Variants in IKZF1 observed in about 807,000 individuals in gnomAD.
IKZF1 encodes the protein IKAROS family zinc finger 1.
In IKZF1, 10 loss-of-function variants were observed where a neutral mutation model predicts 51.7. The ratio of observed to expected loss-of-function variants is 0.19; its 90% CI spans 0.12 to 0.33. The LOEUF (loss-of-function observed/expected upper bound fraction) is 0.33. Among genes scored for constraint, IKZF1 ranks in the 10% least tolerant of loss-of-function variants. The pLI, the probability that IKZF1 is intolerant of heterozygous loss-of-function variation, is 1.00. For synonymous variants in IKZF1, 280 were observed against 282.3 expected (o/e 0.99, Z 0.08); for missense variants, 484 against 707.5 (o/e 0.68, Z 3.58).
chr7:50,318,173 C>T (rs765423375), intron 1 of IKZF1, among the ~76,000 whole-genome samples: 10 of 152,078 alleles, frequency 6.6e-5, no homozygotes, highest in Non-Finnish European at 1.3e-4. Flanking sequence ...AAACACAGAA[C>T]ACCTTTTTGT....
intron 1 of IKZF1, among the ~76,000 whole-genome samples, chr7:50,314,044 G>A (rs1277002953): frequency 6.6e-6 from 1 of 152,214 alleles, no homozygotes; most frequent in Non-Finnish European, 1.5e-5. Flanking sequence ...GAGAAGGAAG[G>A]CATTTGCTTA....
At chr7:50,309,438 T>C (rs920040686) in intron 1 of IKZF1, among the ~76,000 whole-genome samples, 1 of 152,190 alleles carries the variant, frequency 6.6e-6, no homozygotes, top group Admixed American at 6.5e-5. Context: ...TCCATTTGCC[T>C]TGCCTTTCCT....
chr7:50,348,270 T>C (rs1304430382), intron 3 of IKZF1, among the ~76,000 whole-genome samples: 1 of 152,212 alleles, frequency 6.6e-6, no homozygotes. Flanking sequence ...AATTGTTGCC[T>C]CCGGACATGA....
chr7:50,341,741 G>A lies in IKZF1; in HGVS notation c.160+13984G>A, dbSNP rs890193797. ...TGAATATATTTTCTTAATTCAGTAT[G>A]CTTAAATATTATTTAAGTATGTACT... On this transcript the variant is annotated intron_variant, in intron 3 of 7. Transcript: ENST00000331340. Among the ~76,000 whole-genome samples, 5 of 152,212 alleles carry A rather than the reference G, an allele frequency of 3.3e-5. No homozygotes were observed. In the South Asian group the frequency reaches 1.0e-3, roughly 32 times the overall value.
chr7:50,376,860 C>T lies in IKZF1; in HGVS notation c.421+67C>T. The T allele has an allele frequency of 6.3e-7, 1 of 1,579,512 alleles. No individual in the cohort carries two copies. Among genetic ancestry groups the T allele is most frequent in the Non-Finnish European group, 8.6e-7 (1 of 1,162,050 alleles). ...GTGCATGGGGTTTGAAGGAGGAAAG[C>T]ATCCTGTCTTCCTTGTGTTCTGAGC... On this transcript the variant is annotated intron_variant, in intron 4 of 7. Transcript: ENST00000331340. This position sits in a 1 kb window ranked among gnomAD's most constrained non-coding sequence, Gnocchi z 4.5.
chr7:50,355,873 C>G (rs368220092), intron 3 of IKZF1, among the ~76,000 whole-genome samples: 1 of 152,322 alleles, frequency 6.6e-6, no homozygotes, highest in East Asian at 1.9e-4. Flanking sequence ...TGGAGGCCTC[C>G]CGGCTGTCCT....
intron 1 of IKZF1, among the ~76,000 whole-genome samples, chr7:50,307,708 A>G (rs1488327628): frequency 6.6e-6 from 1 of 152,192 alleles, no homozygotes; most frequent in East Asian, 1.9e-4. Context: ...TTGAAAACAG[A>G]TCAGTTTTAT....
intron 3 of IKZF1, among the ~76,000 whole-genome samples, chr7:50,350,173 C>T (rs1801483258): frequency 6.6e-6 from 1 of 152,240 alleles, no homozygotes; most frequent in Admixed American, 6.5e-5. Flanking sequence ...TGCCCACTCT[C>T]TGACCAGCAC....
intron 4 of IKZF1, among the ~76,000 whole-genome samples, chr7:50,381,879 A>G (rs1811934009): frequency 6.6e-6 from 1 of 152,148 alleles, no homozygotes; most frequent in Admixed American, 6.5e-5. Flanking sequence ...TTCTCATTTT[A>G]TTCAATCTTT....
chr7:50,339,261 T>TGTTGA (rs1798516480), intron 3 of IKZF1, among the ~76,000 whole-genome samples: 1 of 64,124 alleles, frequency 1.6e-5, no homozygotes, highest in Non-Finnish European at 3.4e-5. Context: ...GTGTGTGTTG[T>TGTTGA]GGAGGAGGAG....
chr7:50,317,081 A>G (rs1791766324), intron 1 of IKZF1, among the ~76,000 whole-genome samples: 1 of 152,254 alleles, frequency 6.6e-6, no homozygotes, highest in Admixed American at 6.5e-5. Context: ...CAGAAAAAAT[A>G]GTAGTCCTAA....
At chr7:50,326,084 G>A (rs575574961) in intron 2 of IKZF1, among the ~76,000 whole-genome samples, 14 of 152,328 alleles carry the variant, frequency 9.2e-5, no homozygotes, top group Admixed American at 2.0e-4. Flanking sequence ...CTTGGTGCCT[G>A]TGCAGGTTCT....
At chr7:50,381,136 A>G (rs1811741887) in intron 4 of IKZF1, among the ~76,000 whole-genome samples, 1 of 152,226 alleles carries the variant, frequency 6.6e-6, no homozygotes, top group Non-Finnish European at 1.5e-5. Context: ...AGTGATGATA[A>G]TCATGAAATT....
intron 3 of IKZF1, among the ~76,000 whole-genome samples, chr7:50,335,842 A>G (rs1283214039): frequency 1.3e-5 from 2 of 151,930 alleles, no homozygotes; most frequent in African/African-American, 4.8e-5. Flanking sequence ...GGAGCAGGCC[A>G]TGTGGGTAGG....
At chr7:50,309,765 A>T (rs1789706447) in intron 1 of IKZF1, among the ~76,000 whole-genome samples, 1 of 152,192 alleles carries the variant, frequency 6.6e-6, no homozygotes, top group Admixed American at 6.5e-5. Context: ...TCACTGGCAA[A>T]CCTAGAGCAA....
chr7:50,347,024 C>T (rs1800554428), intron 3 of IKZF1, among the ~76,000 whole-genome samples: 1 of 152,208 alleles, frequency 6.6e-6, no homozygotes, highest in African/African-American at 2.4e-5. Context: ...ACATTATCTC[C>T]TGCATCTTGT....
chr7:50,348,473 A>C (rs1314308269), intron 3 of IKZF1, among the ~76,000 whole-genome samples: 1 of 152,216 alleles, frequency 6.6e-6, no homozygotes, highest in Non-Finnish European at 1.5e-5. Flanking sequence ...TCTTTGAGGT[A>C]AAACACCTCC....
rs946132617 is a variant in IKZF1, at chr7:50,401,618, T to C, written c.*991T>C. 1.4e-5 allele frequency: 3 copies of C among 221,014 alleles called. No homozygotes were observed. Among genetic ancestry groups the C allele is most frequent in the Non-Finnish European group, 1.8e-5 (2 of 110,434 alleles). 13.7% of individuals were successfully genotyped at this position (221,014 alleles called of 1,614,324 possible). ...CTGGTTCCATCTAGTACCAGAGGCC[T>C]CTTTTCCTGAAGAAATCCAATCCTA... On this transcript the variant is annotated 3_prime_UTR_variant, in exon 8 of 8. Transcript: ENST00000331340.
At chr7:50,353,689 A>G (rs570526164) in intron 3 of IKZF1, among the ~76,000 whole-genome samples, 2 of 152,328 alleles carry the variant, frequency 1.3e-5, no homozygotes, top group African/African-American at 4.8e-5. Context: ...AAGAATCTTC[A>G]ACTGTGTCCT....
Sources: allele counts gnomAD v4.1 joint callset (sites outside exome capture counted in the v4.1 genomes callset), GRCh38; gene constraint gnomAD v4.1.1; non-coding constraint Gnocchi (gnomAD v3.1); transcripts MANE v1.5; gene names NCBI Gene and HGNC (gene_info 2026-07-23, HGNC 2026-07-21).